The following MAP3K19 variants were observed in gnomAD, a reference collection of about 807,000 sequenced individuals.
The protein encoded by MAP3K19 is SPS1/STE20-related protein kinase YSK4.
MAP3K19 carries 91 observed loss-of-function variants against 114.4 expected under a neutral mutation model. The ratio of observed to expected loss-of-function variants is 0.80; its 90% CI spans 0.67 to 0.95. The LOEUF (loss-of-function observed/expected upper bound fraction) is 0.95, where lower values mean the gene tolerates loss of function less well. Ranked by LOEUF, MAP3K19 falls within the 40% of genes least tolerant of loss-of-function variation. MAP3K19 has a pLI of 0.00. For synonymous variants in MAP3K19, 518 were observed against 530.5 expected (o/e 0.98, Z 0.32); for missense variants, 1,471 against 1,573.2 (o/e 0.94, Z 1.10).
intron 3 of MAP3K19, among the ~76,000 whole-genome samples, chr2:135,025,377 C>CT (rs754598942): frequency 0.01 from 706 of 69,554 alleles, 15 homozygotes; most frequent in South Asian, 0.027. Context: ...CTTTTCTTTT[C>CT]TTTTTTTTTT....
intron 12 of MAP3K19, among the ~76,000 whole-genome samples, chr2:134,968,623 A>T (rs1192324996): frequency 2.9e-4 from 41 of 141,752 alleles, no homozygotes; most frequent in African/African-American, 5.7e-4. Flanking sequence ...GGGTCTCCTC[A>T]CTTCTCAGAC....
At chr2:135,008,669 A>T (rs1687004291) in intron 5 of MAP3K19, among the ~76,000 whole-genome samples, 1 of 152,188 alleles carries the variant, frequency 6.6e-6, no homozygotes, top group Admixed American at 6.5e-5. Flanking sequence ...ATAATCCACC[A>T]GCAGTGCATG....
At chr2:134,969,152 G>A (rs1398949521) in intron 12 of MAP3K19, among the ~76,000 whole-genome samples, 18 of 150,986 alleles carry the variant, frequency 1.2e-4, no homozygotes, top group East Asian at 5.9e-4. Context: ...GCTGGAGACC[G>A]GCCCAGCCAA....
At chr2:135,037,973 C>A (rs986180121) in intron 2 of MAP3K19, among the ~76,000 whole-genome samples, 1 of 152,068 alleles carries the variant, frequency 6.6e-6, no homozygotes, top group Non-Finnish European at 1.5e-5. Context: ...AATTCTGGCA[C>A]GCTAACTCAT....
At position 134,987,746 on chromosome 2, in the gene MAP3K19, C is replaced by A. The variant is rs201878882; in HGVS notation, c.1126G>T (p.Val376Leu). ...GGATCTTGTTCATAGTTTTTGGCTA[C>A]TGAACTCTCATTCTTTCTTGATGAA... ...YLSSRKNESS[V>L]AKNYEQDPEI... Residue 376 changes from valine to leucine, a missense_variant, in exon 10 of 13, where the codon GTA (valine) becomes TTA (leucine). By Grantham distance (32) the Val-to-Leu change is conservative (BLOSUM62 1). Coordinates refer to ENST00000392915, the MANE Select transcript of MAP3K19 (RefSeq NM_025052.5). 6.2e-7 allele frequency: 1 copy of A among 1,609,690 alleles called. No individual in the cohort carries two copies. The highest frequency in any genetic ancestry group is 2.2e-5 in the East Asian group (1 of 44,876).
chr2:135,013,176 C>T (rs1233172118), intron 5 of MAP3K19, among the ~76,000 whole-genome samples: 1 of 151,842 alleles, frequency 6.6e-6, no homozygotes, highest in Non-Finnish European at 1.5e-5. Flanking sequence ...AAAAATTAGC[C>T]AGACATGGTG....
Position 135,019,539 on chromosome 2 carries a change from C to G in MAP3K19, c.138+2176G>C, listed in dbSNP as rs973509860. Among the ~76,000 whole-genome samples the G allele has an allele frequency of 3.3e-5, 5 of 152,122 alleles. 1 individual carries two copies. The highest frequency in any genetic ancestry group is 5.9e-5 in the Non-Finnish European group (4 of 68,032). On this transcript the variant is annotated intron_variant, in intron 5 of 12. Coordinates refer to ENST00000392915, the MANE Select transcript of MAP3K19 (RefSeq NM_025052.5). Reference sequence around the variant, plus strand: ...TGGTGGCATGTGCCTGCAGTCCCAGCTAGTCAGGAGGCTGAGGTAGGAGGA... The same window carrying G: ...TGGTGGCATGTGCCTGCAGTCCCAGGTAGTCAGGAGGCTGAGGTAGGAGGA...
chr2:134,981,426 G>A lies in MAP3K19; in HGVS notation c.3315C>T (p.Tyr1105=). 1 of 1,614,154 alleles carries A rather than the reference G, an allele frequency of 6.2e-7. No homozygotes were observed. The highest frequency in any genetic ancestry group is 8.5e-7 in the Non-Finnish European group (1 of 1,180,034). The part of the protein sequence containing the change: ...TSNKLAAEKE[Y]RKLQEEVDLL... ...AATCTACTTCTTCCTGTAGTTTCCG[G>A]TATTCCTTTTCAGCAGCTAATTTAT... The change falls in exon 12 of 13, where the codon TAC becomes TAT. Residue 1105 remains tyrosine, a synonymous_variant. Coordinates refer to ENST00000392915, the MANE Select transcript of MAP3K19 (RefSeq NM_025052.5).
At chr2:134,982,770 GA>G (rs761750737) in intron 11 of MAP3K19, among the ~76,000 whole-genome samples, 2 of 152,138 alleles carry the variant, frequency 1.3e-5, no homozygotes, top group Admixed American at 6.5e-5. Context: ...ACAGGCCCTG[GA>G]AATCACCATT....
intron 5 of MAP3K19, among the ~76,000 whole-genome samples, chr2:135,018,859 C>A (rs555742980): frequency 6.6e-6 from 1 of 152,084 alleles, no homozygotes; most frequent in Admixed American, 6.6e-5. Flanking sequence ...CCAAGGCAGG[C>A]AGATCACCTG....
intron 12 of MAP3K19, among the ~76,000 whole-genome samples, chr2:134,977,949 G>A (rs61002135): frequency 0.3 from 44,819 of 151,908 alleles, 7,385 homozygotes; most frequent in Middle Eastern, 0.62. Context: ...TTTCTGTAGC[G>A]CTTGAAACAT....
chr2:135,024,165 C>T (rs557738072), intron 4 of MAP3K19, among the ~76,000 whole-genome samples: 3 of 152,300 alleles, frequency 2.0e-5, no homozygotes, highest in South Asian at 2.1e-4. Flanking sequence ...CCTCTGCCCC[C>T]GAAGCTTCAA....
chr2:135,029,531 T>G (rs1478848951), intron 3 of MAP3K19, among the ~76,000 whole-genome samples: 3 of 152,220 alleles, frequency 2.0e-5, no homozygotes, highest in Admixed American at 2.0e-4. Flanking sequence ...CAAAAGAATT[T>G]GAAGTATTGT....
chr2:134,981,558 A>T (rs1424127568), intron 11 of MAP3K19, 40 bp from the exon 12 acceptor site: 1 of 1,469,264 alleles, frequency 6.8e-7, no homozygotes, highest in Non-Finnish European at 9.3e-7. Flanking sequence ...TAAATTAATG[A>T]CATAACTTAT....
chr2:135,041,869 G>T (rs181418441), intron 1 of MAP3K19, among the ~76,000 whole-genome samples: 1 of 152,274 alleles, frequency 6.6e-6, no homozygotes, highest in Non-Finnish European at 1.5e-5. Context: ...GCTCTTTAAT[G>T]TTCTAAACAC....
intron 5 of MAP3K19, among the ~76,000 whole-genome samples, chr2:135,006,017 TG>T (rs959300046): frequency 1.3e-5 from 2 of 152,208 alleles, no homozygotes; most frequent in African/African-American, 4.8e-5. Context: ...GCAGCAAAGC[TG>T]ATTAAAGTCT....
chr2:134,970,891 C>G (rs1001827759), intron 12 of MAP3K19, among the ~76,000 whole-genome samples: 2 of 152,160 alleles, frequency 1.3e-5, no homozygotes, highest in African/African-American at 4.8e-5. Context: ...GCCACTGCGC[C>G]CAGCCTGAAT....
At chr2:134,978,079 G>A (rs149089035) in intron 12 of MAP3K19, among the ~76,000 whole-genome samples, 320 of 151,964 alleles carry the variant, frequency 2.1e-3, no homozygotes, top group African/African-American at 7.4e-3. Flanking sequence ...CTCCAGTTAT[G>A]TGCTAGACTT....
chr2:134,967,929 G>A (rs1683494459), intron 12 of MAP3K19, among the ~76,000 whole-genome samples: 1 of 151,582 alleles, frequency 6.6e-6, no homozygotes, highest in Non-Finnish European at 1.5e-5. Flanking sequence ...CAGGGTCATA[G>A]GACAATAGTG....
Sources: allele counts gnomAD v4.1 joint callset (sites outside exome capture counted in the v4.1 genomes callset), GRCh38; gene constraint gnomAD v4.1.1; transcripts MANE v1.5; gene names NCBI Gene and HGNC (gene_info 2026-07-23, HGNC 2026-07-21).